RASAL2: variants seen among roughly 807,000 people sequenced by gnomAD.
RASAL2 encodes the protein RAS protein activator like 2.
RASAL2 carries 58 observed loss-of-function variants against 128.9 expected under a neutral mutation model. The observed-to-expected ratio is 0.45, with a 90% CI of 0.36 to 0.56. RASAL2 has a LOEUF of 0.56. RASAL2 is among the 20% of genes least tolerant of loss of function. The probability of loss-of-function intolerance (pLI) is 0.00; values close to 1 mark genes in which losing one functional copy is unlikely to be tolerated. For missense variants in RASAL2, 1,360 were observed against 1,601.6 expected (o/e 0.85, Z 2.57); for synonymous variants, 561 against 580.8 (o/e 0.97, Z 0.49).
At chr1:178,246,208 T>TG (rs1664760500) in intron 1 of RASAL2, among the ~76,000 whole-genome samples, 1 of 152,106 alleles carries the variant, frequency 6.6e-6, no homozygotes, top group Non-Finnish European at 1.5e-5. Context: ...AGCATGGAAT[T>TG]TTTTTCCATT....
At chr1:178,260,339 G>A (rs570214427) in intron 1 of RASAL2, among the ~76,000 whole-genome samples, 231 of 47,690 alleles carry the variant, frequency 4.8e-3, no homozygotes, top group Middle Eastern at 0.019. Flanking sequence ...GCGACAGAGC[G>A]AGACTCGTCT....
chr1:178,270,526 G>C (rs983558226), intron 1 of RASAL2, among the ~76,000 whole-genome samples: 1 of 150,502 alleles, frequency 6.6e-6, no homozygotes, highest in African/African-American at 2.4e-5. Context: ...TTGTTTCCTG[G>C]ATGCCATTTT....
intron 1 of RASAL2, among the ~76,000 whole-genome samples, chr1:178,229,705 T>A (rs1224679705): frequency 6.6e-6 from 1 of 152,146 alleles, no homozygotes; most frequent in African/African-American, 2.4e-5. Context: ...ACTCCTTTCC[T>A]CAAGCCAATA....
Position 178,458,562 on chromosome 1 carries a change from A to AG in RASAL2, c.3252+22dup. 1 of 1,582,226 alleles carries AG rather than the reference A, an allele frequency of 6.3e-7. No individual in the cohort carries two copies. Among genetic ancestry groups the AG allele is most frequent in the Non-Finnish European group, 8.6e-7 (1 of 1,165,248 alleles). On this transcript the variant is annotated intron_variant, in intron 14 of 17. Coordinates refer to ENST00000367649, the MANE Select transcript of RASAL2 (RefSeq NM_170692.4). The stretch of plus-strand genomic sequence containing the variant: ...CACAGCAGGTAGGTGTGAGTGCTGA[A>AG]GGGGCCTGGCTTCTACTTGGTCCAT...
intron 3 of RASAL2, among the ~76,000 whole-genome samples, chr1:178,324,917 A>G (rs1017134757): frequency 6.6e-6 from 1 of 152,154 alleles, no homozygotes; most frequent in African/African-American, 2.4e-5. Context: ...CTTGGCACCC[A>G]CCTGCCAACT....
intron 1 of RASAL2, among the ~76,000 whole-genome samples, chr1:178,228,061 T>C (rs904431590): frequency 1.3e-5 from 2 of 152,204 alleles, no homozygotes; most frequent in South Asian, 2.1e-4. Flanking sequence ...GTGAGTGATA[T>C]TAGGCTTTCG....
At chr1:178,156,554 AT>A (rs930489127) in intron 1 of RASAL2, among the ~76,000 whole-genome samples, 11 of 151,858 alleles carry the variant, frequency 7.2e-5, no homozygotes, top group South Asian at 2.1e-4. Flanking sequence ...TCAGATGCAT[AT>A]TTTTTTTATT....
intron 12 of RASAL2, 118 bp downstream of exon 12, chr1:178,454,766 C>A: frequency 1.2e-6 from 1 of 818,776 alleles, no homozygotes; most frequent in Non-Finnish European, 1.9e-6. Flanking sequence ...CCCTAGAAAT[C>A]TGAGAGTAAA....
At position 178,145,359 on chromosome 1, in the gene RASAL2, G is replaced by A. The variant is rs554637992; in HGVS notation, c.202+50665G>A. Among the ~76,000 whole-genome samples, 144 of 151,912 alleles carry A rather than the reference G, an allele frequency of 9.5e-4. 1 individual carries two copies. The highest frequency in any genetic ancestry group is 1.2e-3 in the Non-Finnish European group (81 of 67,944). ...ACTTTTTATAGTAACTTATTTTCTAGTGTCTTAAAAAATAAGGGCTTTTAA... is the reference window on the plus strand; with the variant it reads ...ACTTTTTATAGTAACTTATTTTCTAATGTCTTAAAAAATAAGGGCTTTTAA... On this transcript the variant is annotated intron_variant, in intron 1 of 17. Transcript: ENST00000367649.
At chr1:178,297,074 A>G (rs1290998615) in intron 2 of RASAL2, among the ~76,000 whole-genome samples, 1 of 152,122 alleles carries the variant, frequency 6.6e-6, no homozygotes, top group Non-Finnish European at 1.5e-5. Flanking sequence ...ATTTACTCTC[A>G]TGTTATAGAA....
In RASAL2 at chr1:178,270,643, T is replaced by C. The variant is rs977092938; in HGVS notation, c.203-12921T>C. 5.4e-4 allele frequency among the ~76,000 whole-genome samples: 74 copies of C among 136,042 alleles called. 1 individual carries two copies. Among genetic ancestry groups the C allele is most frequent in the African/African-American group, 2.2e-3 (71 of 32,484 alleles). 89.2% of individuals were successfully genotyped at this position (136,042 alleles called of 152,430 possible). A position where few individuals can be genotyped will look rare whatever the true frequency, so the allele number is the denominator to read the frequency against. ...TGTGTCTCTCTTTTTTTTTTTTTTA[T>C]GTCTATATTCTTCTGCTAGAAGCTT... On this transcript the variant is annotated intron_variant, in intron 1 of 17. Coordinates refer to ENST00000367649, the MANE Select transcript of RASAL2 (RefSeq NM_170692.4).
At chr1:178,115,555 T>C (rs926678309) in intron 1 of RASAL2, among the ~76,000 whole-genome samples, 25 of 152,196 alleles carry the variant, frequency 1.6e-4, no homozygotes, top group Non-Finnish European at 2.1e-4. Flanking sequence ...AAGGTTCTGG[T>C]GTTAGCCAGC....
At chr1:178,114,713 G>A (rs1264388174) in intron 1 of RASAL2, among the ~76,000 whole-genome samples, 4 of 152,114 alleles carry the variant, frequency 2.6e-5, no homozygotes, top group African/African-American at 2.4e-5. Context: ...TAGTAGAGAC[G>A]GTGTTTCACC....
chr1:178,235,599 CGT>C (rs149134252), intron 1 of RASAL2, among the ~76,000 whole-genome samples: 16 of 149,864 alleles, frequency 1.1e-4, no homozygotes, highest in Non-Finnish European at 1.3e-4. Flanking sequence ...GCTTCGTGTG[CGT>C]GTGTGTGTGT....
Position 178,438,101 on chromosome 1 carries a change from CTTGT to C in RASAL2, c.675-1320_675-1317del, listed in dbSNP as rs1395740052. Among the ~76,000 whole-genome samples the C allele has an allele frequency of 2.3e-3, 229 of 98,050 alleles. 1 individual carries two copies. Among genetic ancestry groups the C allele is most frequent in the African/African-American group, 8.1e-3 (204 of 25,046 alleles). 64.3% of individuals were successfully genotyped at this position (98,050 alleles called of 152,430 possible). On this transcript the variant is annotated intron_variant, in intron 5 of 17. Coordinates refer to ENST00000367649, the MANE Select transcript of RASAL2 (RefSeq NM_170692.4). ...TTGCAGCCTAAACTTTAAATGGTGG[CTTGT>C]GTGTGTGTGTGTGTGTGTGTGTGTG...
intron 3 of RASAL2, among the ~76,000 whole-genome samples, chr1:178,373,939 CCACCCAA>C (rs1671855970): frequency 6.6e-6 from 1 of 152,080 alleles, no homozygotes; most frequent in South Asian, 2.1e-4. Flanking sequence ...TCCCGATTAT[CCACCCAA>C]TGGAAGCTTC....
rs776204638 is a variant in RASAL2, at chr1:178,390,116, G to T, written c.474G>T (p.Arg158Ser). Residue 158 changes from arginine to serine, a missense_variant, in exon 4 of 18, where the codon AGG becomes AGT. Physicochemically the swap from Arg to Ser is moderately radical, Grantham distance 110 (BLOSUM62 -1). This residue lies in a region of RASAL2 where 617 missense variants were observed against 714.2 expected (regional missense o/e 0.86). Coordinates refer to ENST00000367649, the MANE Select transcript of RASAL2 (RefSeq NM_170692.4). ...TTTTTCCAGAGGTACCAGCAGAAAG[G>T]TCCCCTCGTAGACGGAGTATCTCAG... ...GATKLEVPAE[R>S]SPRRRSISGT... 6.2e-7 allele frequency: 1 copy of T among 1,606,246 alleles called. No individual in the cohort carries two copies. Among genetic ancestry groups the T allele is most frequent in the Non-Finnish European group, 8.5e-7 (1 of 1,177,234 alleles).
In RASAL2 at chr1:178,477,623, G is replaced by C. The variant is rs1464020614; in HGVS notation, c.*4384G>C. 1 of 152,096 alleles carries C rather than the reference G, an allele frequency of 6.6e-6. No homozygotes were observed. The highest frequency in any genetic ancestry group is 1.9e-4 in the East Asian group (1 of 5,194). The allele number at this position is 152,096 out of a possible 1,614,324, so 9.4% of individuals were successfully genotyped here. On this transcript the variant is annotated 3_prime_UTR_variant, in exon 18 of 18. Coordinates refer to ENST00000367649, the MANE Select transcript of RASAL2 (RefSeq NM_170692.4). ...CCCTTGCCCACTCTTAAAATACATA[G>C]ATACATAAAAAGGCAGTCTCTGTAG...
chr1:178,348,807 T>G (rs1320960785), intron 3 of RASAL2, among the ~76,000 whole-genome samples: 1 of 147,968 alleles, frequency 6.8e-6, no homozygotes, highest in Non-Finnish European at 1.5e-5. Context: ...TCTTTTTGGT[T>G]TTTTTTTTTT....
Sources: gnomAD v4.1 joint callset for allele counts (sites outside exome capture counted in the v4.1 genomes callset) on GRCh38, gnomAD v4.1.1 for gene constraint, gnomAD v4.1.1 regional missense constraint, MANE v1.5 for transcripts, NCBI Gene and HGNC (gene_info 2026-07-23, HGNC 2026-07-21) for gene names.